The following ANKFN1 variants were observed in gnomAD, a reference collection of about 807,000 sequenced individuals.
ANKFN1 encodes ankyrin repeat and fibronectin type III domain containing 1, also known as ankyrin repeat and fibronectin type-III domain-containing protein 1.
Under a neutral mutation model 108.7 loss-of-function variants are expected in ANKFN1, and 74 were observed. The ratio of observed to expected loss-of-function variants is 0.68; its 90% CI spans 0.56 to 0.83. The LOEUF is 0.83. Among genes scored for constraint, ANKFN1 ranks in the 40% least tolerant of loss-of-function variants. The pLI, the probability that ANKFN1 is intolerant of heterozygous loss-of-function variation, is 0.00. For missense variants in ANKFN1, 1,505 were observed against 1,382.3 expected (o/e 1.09, Z -1.41); for synonymous variants, 547 against 516.2 (o/e 1.06, Z -0.81).
intron 11 of ANKFN1, among the ~76,000 whole-genome samples, chr17:56,452,577 A>G (rs903310678): frequency 1.6e-4 from 25 of 152,160 alleles, no homozygotes; most frequent in African/African-American, 5.8e-4. Context: ...TGAAGGTCTC[A>G]TATGGGCAAG....
chr17:56,094,739 C>T (rs1313634058), intron 4 of ANKFN1, among the ~76,000 whole-genome samples: 1 of 142,664 alleles, frequency 7.0e-6, no homozygotes, highest in Non-Finnish European at 1.5e-5. Flanking sequence ...CCAGGATGGT[C>T]TTGATCTCCT....
intron 4 of ANKFN1, among the ~76,000 whole-genome samples, chr17:56,068,718 A>G (rs567964592): frequency 4.1e-4 from 63 of 152,318 alleles, no homozygotes; most frequent in African/African-American, 1.4e-3. Context: ...TTGTATTCAT[A>G]TCGTTCAATG....
intron 8 of ANKFN1, among the ~76,000 whole-genome samples, chr17:56,417,277 G>A (rs746104504): frequency 5.3e-5 from 8 of 152,130 alleles, no homozygotes; most frequent in South Asian, 2.1e-4. Context: ...CCTATTTTCC[G>A]TGATATGATA....
intron 1 of ANKFN1, among the ~76,000 whole-genome samples, chr17:56,161,852 A>G (rs1909687003): frequency 6.6e-6 from 1 of 152,242 alleles, no homozygotes; most frequent in African/African-American, 2.4e-5. Flanking sequence ...AAAGAAAATA[A>G]TTTGTAGAAG....
At chr17:56,325,354 A>C (rs934014578) in intron 3 of ANKFN1, among the ~76,000 whole-genome samples, 2 of 152,114 alleles carry the variant, frequency 1.3e-5, no homozygotes, top group Non-Finnish European at 2.9e-5. Context: ...CATAATAAAC[A>C]GCCTGTGAAG....
chr17:56,108,909 C>A (rs1905803600), intron 4 of ANKFN1, among the ~76,000 whole-genome samples: 1 of 152,168 alleles, frequency 6.6e-6, no homozygotes, highest in Non-Finnish European at 1.5e-5. Context: ...TTTTGTAAGC[C>A]ACTTTCTTCC....
At chr17:56,367,698 A>C (rs1248688495) in intron 6 of ANKFN1, among the ~76,000 whole-genome samples, 1 of 152,198 alleles carries the variant, frequency 6.6e-6, no homozygotes, top group Non-Finnish European at 1.5e-5. Context: ...ATGAGAGAAA[A>C]GACCAAACCT....
intron 4 of ANKFN1, among the ~76,000 whole-genome samples, chr17:56,107,496 C>T (rs1427946642): frequency 6.6e-6 from 1 of 152,120 alleles, no homozygotes; most frequent in Non-Finnish European, 1.5e-5. Context: ...AGCTTTAGGG[C>T]CTGGCTCTGT....
chr17:56,205,498 T>A lies in ANKFN1; in HGVS notation c.-70-7100T>A, dbSNP rs115931668. ...GCCGTTAGATCCTTTCTCTTGATAC[T>A]TAAATTAAAACCTAAACTTATTCTA... On this transcript the variant is annotated intron_variant, in intron 1 of 20. Transcript: ENST00000682825. Among the ~76,000 whole-genome samples, 491 of 152,362 alleles carry A rather than the reference T, an allele frequency of 3.2e-3. 2 individuals carry two copies. Among genetic ancestry groups the A allele is most frequent in the African/African-American group, 0.011 (467 of 41,590 alleles).
intron 4 of ANKFN1, among the ~76,000 whole-genome samples, chr17:56,106,135 C>A (rs1382810478): frequency 6.6e-6 from 1 of 152,122 alleles, no homozygotes; most frequent in Non-Finnish European, 1.5e-5. Context: ...ATTAAAGCAA[C>A]CCTGCAAGGA....
intron 8 of ANKFN1, among the ~76,000 whole-genome samples, chr17:56,381,413 G>A (rs1273322799): frequency 6.6e-6 from 1 of 152,204 alleles, no homozygotes; most frequent in Non-Finnish European, 1.5e-5. Flanking sequence ...TTCCTCACCA[G>A]CAACGGAACA....
At chr17:56,098,117 T>G (rs1905567442) in intron 4 of ANKFN1, among the ~76,000 whole-genome samples, 1 of 151,486 alleles carries the variant, frequency 6.6e-6, no homozygotes, top group African/African-American at 2.4e-5. Flanking sequence ...GAGGTGGGAG[T>G]GATGCAATCA....
chr17:56,182,431 G>A (rs568899609), intron 1 of ANKFN1, among the ~76,000 whole-genome samples: 25 of 152,284 alleles, frequency 1.6e-4, no homozygotes, highest in South Asian at 1.0e-3. Context: ...GGTTTTAGTG[G>A]TTTGGATAGA....
At chr17:56,122,019 A>T (rs1410362370) in intron 4 of ANKFN1, among the ~76,000 whole-genome samples, 1 of 152,170 alleles carries the variant, frequency 6.6e-6, no homozygotes, top group Non-Finnish European at 1.5e-5. Flanking sequence ...ACTGACAAAC[A>T]TTCACTAGCA....
At chr17:56,377,666 G>C (rs1477702130) in intron 8 of ANKFN1, among the ~76,000 whole-genome samples, 1 of 152,048 alleles carries the variant, frequency 6.6e-6, no homozygotes, top group Non-Finnish European at 1.5e-5. Flanking sequence ...CACTGCCTTG[G>C]GTCACCTGCC....
intron 4 of ANKFN1, among the ~76,000 whole-genome samples, chr17:56,066,249 A>G (rs895765910): frequency 2.6e-5 from 4 of 152,234 alleles, no homozygotes; most frequent in Non-Finnish European, 5.9e-5. Context: ...TTGGAGAAAT[A>G]TCACCATTGG....
chr17:56,496,278 T>C (rs771665008), intron 19 of ANKFN1, among the ~76,000 whole-genome samples: 14 of 152,124 alleles, frequency 9.2e-5, no homozygotes, highest in Non-Finnish European at 1.6e-4. Flanking sequence ...CTACGCTAAA[T>C]CCCTCTATTC....
intron 3 of ANKFN1, among the ~76,000 whole-genome samples, chr17:56,292,738 A>C (rs559336194): frequency 5.9e-5 from 9 of 152,300 alleles, no homozygotes; most frequent in South Asian, 2.1e-4. Context: ...GGAAAAAAAA[A>C]CCACTGCCAT....
chr17:56,491,526 T>C lies in ANKFN1; in HGVS notation c.2261-661T>C, dbSNP rs570214521. Among the ~76,000 whole-genome samples the C allele has an allele frequency of 9.6e-4, 146 of 152,204 alleles. 3 individuals carry two copies. Among genetic ancestry groups the C allele is most frequent in the Non-Finnish European group, 6.6e-4 (45 of 68,032 alleles). On this transcript the variant is annotated intron_variant, in intron 18 of 20. Transcript: ENST00000682825. ...GAGACGAAGGCTGGACTCTTTCCTG[T>C]GATATCTGTCCAATTATCTGTTGAG...
Sources: gnomAD v4.1 joint callset for allele counts (sites outside exome capture counted in the v4.1 genomes callset) on GRCh38, gnomAD v4.1.1 for gene constraint, MANE v1.5 for transcripts, NCBI Gene and HGNC (gene_info 2026-07-23, HGNC 2026-07-21) for gene names.